The following PRKN variants were observed in gnomAD, a reference collection of about 807,000 sequenced individuals.
The protein encoded by PRKN is E3 ubiquitin-protein ligase parkin.
Under a neutral mutation model 59.5 loss-of-function variants are expected in PRKN, and 56 were observed. That is an observed-to-expected ratio of 0.94 (90% CI 0.76 to 1.18). PRKN has a LOEUF of 1.18. PRKN is among the 50% of genes most tolerant of loss of function. The pLI, the probability that PRKN is intolerant of heterozygous loss-of-function variation, is 0.00. For synonymous variants in PRKN, 250 were observed against 222.1 expected, an observed-to-expected ratio of 1.13 and a Z score of -1.12; for missense variants, 657 against 596.4, an observed-to-expected ratio of 1.10 and a Z score of -1.06.
At chr6:162,490,532 G>C (rs907912000) in intron 1 of PRKN, among the ~76,000 whole-genome samples, 23 of 152,066 alleles carry the variant, frequency 1.5e-4, no homozygotes, top group Non-Finnish European at 3.4e-4. Flanking sequence ...TTTTCCCATA[G>C]TTTCCTGTAA....
intron 7 of PRKN, among the ~76,000 whole-genome samples, chr6:161,733,321 G>T (rs116059437): frequency 0.011 from 1,746 of 152,208 alleles, 33 homozygotes; most frequent in African/African-American, 0.04. Flanking sequence ...GAAACCCTTT[G>T]CAGGTTTATA....
intron 1 of PRKN, among the ~76,000 whole-genome samples, chr6:162,684,246 TG>T (rs1453494260): frequency 6.6e-6 from 1 of 152,086 alleles, no homozygotes; most frequent in Non-Finnish European, 1.5e-5. Flanking sequence ...CAAGATCCTC[TG>T]ATTTTTTTTT....
chr6:161,694,994 G>A (rs1043922205), intron 7 of PRKN, among the ~76,000 whole-genome samples: 43 of 151,894 alleles, frequency 2.8e-4, no homozygotes, highest in African/African-American at 9.7e-4. Context: ...CCCAGGCATC[G>A]GCATTTCTTA....
At chr6:162,414,726 A>AAAAAAAAAAAAAAGGT (rs34838356) in intron 2 of PRKN, among the ~76,000 whole-genome samples, 121 of 91,858 alleles carry the variant, frequency 1.3e-3, no homozygotes, top group African/African-American at 2.1e-3. Context: ...AAAAAAAAAA[A>AAAAAAAAAAAAAAGGT]AGTGAATCTT....
intron 6 of PRKN, among the ~76,000 whole-genome samples, chr6:161,915,283 T>A (rs941852171): frequency 1.3e-5 from 2 of 152,082 alleles, no homozygotes; most frequent in Non-Finnish European, 2.9e-5. Context: ...AGACTCTGTT[T>A]AAAAATAAAA....
At chr6:162,327,257 C>T (rs1441221303) in intron 2 of PRKN, among the ~76,000 whole-genome samples, 1 of 152,160 alleles carries the variant, frequency 6.6e-6, no homozygotes, top group Admixed American at 6.5e-5. Flanking sequence ...CGGTGATTTT[C>T]CATCCACTCA....
At chr6:162,618,526 C>T (rs57929033) in intron 1 of PRKN, among the ~76,000 whole-genome samples, 35,234 of 151,918 alleles carry the variant, frequency 0.23, 4,890 homozygotes, top group African/African-American at 0.37. Context: ...AAATCTATCC[C>T]GTGTTCAGGA....
At chr6:162,006,013 C>A (rs950400537) in intron 5 of PRKN, among the ~76,000 whole-genome samples, 4 of 151,972 alleles carry the variant, frequency 2.6e-5, no homozygotes, top group Non-Finnish European at 5.9e-5. Flanking sequence ...AAAAAGCATA[C>A]TAAAAATTGC....
At chr6:161,717,835 A>G (rs1350150186) in intron 7 of PRKN, among the ~76,000 whole-genome samples, 2 of 152,140 alleles carry the variant, frequency 1.3e-5, no homozygotes, top group Non-Finnish European at 2.9e-5. Flanking sequence ...GTTTTGGCCC[A>G]GGCCCGCTTC....
chr6:162,618,231 A>C (rs1026193322), intron 1 of PRKN, among the ~76,000 whole-genome samples: 35 of 152,194 alleles, frequency 2.3e-4, no homozygotes, highest in Admixed American at 2.2e-3. Flanking sequence ...CAATATTTTA[A>C]GGAAAGGGTC....
rs192580331 is a variant in PRKN, at chr6:162,439,791, C to T, written c.171+3519G>A. Among the ~76,000 whole-genome samples the T allele has an allele frequency of 6.9e-4, 100 of 145,030 alleles. 2 individuals carry two copies. Among genetic ancestry groups the T allele is most frequent in the African/African-American group, 2.7e-3 (99 of 37,236 alleles). On this transcript the variant is annotated intron_variant, in intron 2 of 11. Coordinates refer to ENST00000366898, the MANE Select transcript of PRKN (RefSeq NM_004562.3). ...AGTATCCTCTCTCCTTTTTGTAATG[C>T]TGTTAATGTTTTCTCTAGTTTTTTT...
intron 5 of PRKN, among the ~76,000 whole-genome samples, chr6:162,006,763 T>G (rs953745372): frequency 4.6e-5 from 7 of 152,144 alleles, no homozygotes; most frequent in African/African-American, 1.7e-4. Flanking sequence ...ACCCTTCTCT[T>G]ATTGTTTGCA....
intron 7 of PRKN, among the ~76,000 whole-genome samples, chr6:161,704,467 C>T (rs115585365): frequency 0.013 from 1,929 of 152,232 alleles, 46 homozygotes; most frequent in African/African-American, 0.043. Flanking sequence ...AATTAGCTTT[C>T]TTGGTTTTTC....
chr6:162,213,801 CCATACACACACACACA>C (rs1293300043), intron 3 of PRKN, among the ~76,000 whole-genome samples: 10 of 67,466 alleles, frequency 1.5e-4, no homozygotes, highest in African/African-American at 5.6e-4. Flanking sequence ...CAAAAAAAAA[CCATACACACACACACA>C]CACACACACA....
intron 6 of PRKN, among the ~76,000 whole-genome samples, chr6:161,930,329 A>G (rs1562397799): frequency 6.6e-6 from 1 of 152,248 alleles, no homozygotes; most frequent in Non-Finnish European, 1.5e-5. Context: ...ACAATAATAA[A>G]TAGTGTCCAG....
At chr6:162,665,422 T>C (rs1441650659) in intron 1 of PRKN, among the ~76,000 whole-genome samples, 5 of 151,780 alleles carry the variant, frequency 3.3e-5, no homozygotes, top group Non-Finnish European at 5.9e-5. Context: ...ATGAATGAAC[T>C]CCCATTCACA....
At chr6:161,743,829 A>T (rs1327177564) in intron 7 of PRKN, among the ~76,000 whole-genome samples, 1 of 152,228 alleles carries the variant, frequency 6.6e-6, no homozygotes, top group Non-Finnish European at 1.5e-5. Context: ...TTCTGACAAA[A>T]TAAATCATCG....
intron 5 of PRKN, among the ~76,000 whole-genome samples, chr6:161,974,946 G>C (rs1780967630): frequency 6.6e-6 from 1 of 152,136 alleles, no homozygotes; most frequent in Non-Finnish European, 1.5e-5. Flanking sequence ...GTGTGGCTGT[G>C]TCCTAACAAA....
In PRKN at chr6:162,315,257, T is replaced by C. The variant is rs564070799; in HGVS notation, c.172-52492A>G. Among the ~76,000 whole-genome samples the C allele has an allele frequency of 1.6e-3, 248 of 152,278 alleles. 2 individuals carry two copies. Among genetic ancestry groups the C allele is most frequent in the South Asian group, 0.012 (57 of 4,822 alleles). On this transcript the variant is annotated intron_variant, in intron 2 of 11. Transcript: ENST00000366898. ...AAAAGTGGTAATTGATCTAACTGCATTACAATTTTTCAATATAAGCAACTA... is the reference window on the plus strand; with the variant it reads ...AAAAGTGGTAATTGATCTAACTGCACTACAATTTTTCAATATAAGCAACTA...
Sources: allele counts gnomAD v4.1 joint callset (sites outside exome capture counted in the v4.1 genomes callset), GRCh38; gene constraint gnomAD v4.1.1; transcripts MANE v1.5; gene names NCBI Gene and HGNC (gene_info 2026-07-23, HGNC 2026-07-21).